RBFOX1: variants seen among roughly 807,000 people sequenced by gnomAD.
RBFOX1 encodes the protein RNA binding protein fox-1 homolog 1.
In RBFOX1, 8 loss-of-function variants were observed where a neutral mutation model predicts 57.7. That is an observed-to-expected ratio of 0.14 (90% CI 0.08 to 0.25). RBFOX1 has a LOEUF of 0.25. RBFOX1 is among the 10% of genes least tolerant of loss of function. The pLI is 1.00. For synonymous variants in RBFOX1, 326 were observed against 222.4 expected (o/e 1.47, Z -4.15); for missense variants, 611 against 548.5 (o/e 1.11, Z -1.14).
chr16:6,807,962 A>G (rs955767871), intron 3 of RBFOX1, among the ~76,000 whole-genome samples: 2 of 149,614 alleles, frequency 1.3e-5, no homozygotes, highest in Admixed American at 6.7e-5. Flanking sequence ...TGCATTATAT[A>G]TAATATGCGT....
At chr16:5,604,377 G>A (rs1382405120), downstream of RBFOX1, among the ~76,000 whole-genome samples, 1 of 152,116 alleles carries the variant, frequency 6.6e-6, no homozygotes, top group East Asian at 1.9e-4. Flanking sequence ...CTGGAGCTCA[G>A]GGTCCCTTTG....
chr16:7,542,177 C>T (rs984615904), intron 5 of RBFOX1, among the ~76,000 whole-genome samples: 56 of 152,036 alleles, frequency 3.7e-4, no homozygotes, highest in Non-Finnish European at 8.2e-4. Context: ...ACTCCCTCAA[C>T]CCTATGGGCT....
intron 1 of RBFOX1, among the ~76,000 whole-genome samples, chr16:6,231,932 A>C (rs1468415036): frequency 1.3e-5 from 2 of 150,824 alleles, no homozygotes; most frequent in Non-Finnish European, 2.9e-5. Context: ...TAGTCTGTAC[A>C]CTTACTTCAA....
At chr16:6,077,975 T>C (rs2152500243) in intron 1 of RBFOX1, among the ~76,000 whole-genome samples, 1 of 152,208 alleles carries the variant, frequency 6.6e-6, no homozygotes, top group African/African-American at 2.4e-5. Flanking sequence ...CTCAGTAAAA[T>C]GGAGAGAACT....
intron 3 of RBFOX1, among the ~76,000 whole-genome samples, chr16:5,732,616 T>G (rs1418110707): frequency 1.3e-5 from 2 of 152,230 alleles, no homozygotes; most frequent in African/African-American, 4.8e-5. Context: ...TTTCTGCACT[T>G]GTAAGGTAAA....
At chr16:5,743,804 A>C (rs2052869932) in intron 3 of RBFOX1, among the ~76,000 whole-genome samples, 1 of 152,068 alleles carries the variant, frequency 6.6e-6, no homozygotes, top group Middle Eastern at 3.2e-3. Context: ...CACCCTCCCA[A>C]AGTGCTGGGA....
In RBFOX1 at chr16:6,591,706, C is replaced by T. The variant is rs555559167; in HGVS notation, c.-63-62897C>T. ...TTCTGCTTTTTCTACAGCTTAATTTCTATCTAATTTGTACTATTATATTTA... is the reference window on the plus strand; with the variant it reads ...TTCTGCTTTTTCTACAGCTTAATTTTTATCTAATTTGTACTATTATATTTA... On this transcript the variant is annotated intron_variant, in intron 2 of 15. Coordinates refer to ENST00000550418, the MANE Select transcript of RBFOX1 (RefSeq NM_018723.4). 4.6e-5 allele frequency among the ~76,000 whole-genome samples: 7 copies of T among 152,246 alleles called. No homozygotes were observed. The South Asian group carries it at 1.5e-3, about 32-fold the overall frequency.
intron 2 of RBFOX1, among the ~76,000 whole-genome samples, chr16:6,594,093 T>G (rs978288528): frequency 6.6e-6 from 1 of 152,194 alleles, no homozygotes; most frequent in Non-Finnish European, 1.5e-5. Flanking sequence ...CCACAAAATG[T>G]GTCCTCATCA....
chr16:5,453,989 G>T (rs1366673690), intron 1 of RBFOX1, among the ~76,000 whole-genome samples: 1 of 152,186 alleles, frequency 6.6e-6, no homozygotes, highest in African/African-American at 2.4e-5. Flanking sequence ...GAAATTGAAA[G>T]AGGTTGGTGT....
intron 3 of RBFOX1, among the ~76,000 whole-genome samples, chr16:5,645,737 C>G (rs2049031324): frequency 6.6e-6 from 1 of 152,222 alleles, no homozygotes. Context: ...GCAATCAGAG[C>G]TGACTGTAGC....
rs80058163 is a variant in RBFOX1, at chr16:7,581,133, G to T, written c.414+1213G>T. Among the ~76,000 whole-genome samples the T allele has an allele frequency of 2.7e-3, 418 of 152,258 alleles. 12 individuals carry two copies. In the East Asian group the frequency reaches 0.066, roughly 24 times the overall value. ...CAAGTATGCATCTGACACAAAAGCA[G>T]AGCGAGCATCCTAATATTGAAGATA... On this transcript the variant is annotated intron_variant, in intron 6 of 15. Transcript: ENST00000550418.
chr16:6,277,360 C>T (rs2075911129), intron 1 of RBFOX1, among the ~76,000 whole-genome samples: 2 of 144,748 alleles, frequency 1.4e-5, no homozygotes, highest in Non-Finnish European at 1.5e-5. Flanking sequence ...ACTCAGGAGG[C>T]TAAGGTGGGA....
chr16:6,912,435 A>C (rs1000347961), intron 3 of RBFOX1, among the ~76,000 whole-genome samples: 3 of 152,126 alleles, frequency 2.0e-5, no homozygotes, highest in East Asian at 1.9e-4. Context: ...GTTCTCTGTG[A>C]GTAAAGATTT....
chr16:5,709,843 A>ATTTTTTTTTTT (rs35733374), intron 3 of RBFOX1, among the ~76,000 whole-genome samples: 1 of 12,308 alleles, frequency 8.1e-5, no homozygotes. Context: ...ATATATATAT[A>ATTTTTTTTTTT]TTTTTTTTTT....
At chr16:7,522,948 C>T (rs904846492) in intron 5 of RBFOX1, among the ~76,000 whole-genome samples, 3 of 152,142 alleles carry the variant, frequency 2.0e-5, no homozygotes, top group African/African-American at 4.8e-5. Flanking sequence ...TGAATCTGTC[C>T]ATTATCTCAA....
intron 2 of RBFOX1, among the ~76,000 whole-genome samples, chr16:6,387,892 G>A (rs2092382878): frequency 6.6e-6 from 1 of 151,352 alleles, no homozygotes; most frequent in Non-Finnish European, 1.5e-5. Context: ...GCTCTGAGAA[G>A]CACTGTGTAC....
intron 2 of RBFOX1, among the ~76,000 whole-genome samples, chr16:5,583,906 G>A (rs144625126): frequency 4.6e-5 from 7 of 152,324 alleles, no homozygotes; most frequent in African/African-American, 1.4e-4. Flanking sequence ...TGTAGAGTTT[G>A]TCTGGTGGTG....
chr16:6,045,468 C>T (rs1336019684), intron 1 of RBFOX1, among the ~76,000 whole-genome samples: 2 of 152,170 alleles, frequency 1.3e-5, no homozygotes, highest in South Asian at 4.1e-4. Context: ...CTTCATATGC[C>T]ATCATTGCCA....
rs200628736 is a variant in RBFOX1, at chr16:6,976,926, A to ATT, written c.-15-75130_-15-75129dup. On this transcript the variant is annotated intron_variant, in intron 3 of 15. Coordinates refer to ENST00000550418, the MANE Select transcript of RBFOX1 (RefSeq NM_018723.4). ...ATCATATATATCACATATATTGTAT[A>ATT]TTATATATATCATATACTATATATC... 6.2e-3 allele frequency among the ~76,000 whole-genome samples: 883 copies of ATT among 143,112 alleles called. 12 individuals carry two copies. Among genetic ancestry groups the ATT allele is most frequent in the African/African-American group, 0.022 (834 of 38,280 alleles). The allele number at this position is 143,112 out of a possible 152,430, so 93.9% of individuals were successfully genotyped here. A position where few individuals can be genotyped will look rare whatever the true frequency, so the allele number is the denominator to read the frequency against.
Sources: gnomAD v4.1 joint callset for allele counts (sites outside exome capture counted in the v4.1 genomes callset) on GRCh38, gnomAD v4.1.1 for gene constraint, MANE v1.5 for transcripts, NCBI Gene and HGNC (gene_info 2026-07-23, HGNC 2026-07-21) for gene names.